CACNG1: variants seen among roughly 807,000 people sequenced by gnomAD.
The protein encoded by CACNG1 is voltage-dependent calcium channel gamma-1 subunit.
In CACNG1, 21 loss-of-function variants were observed where a neutral mutation model predicts 22.0. That is an observed-to-expected ratio of 0.95 (90% CI 0.68 to 1.37). The LOEUF is 1.37. Among genes scored for constraint, CACNG1 ranks in the 40% most tolerant of loss-of-function variants. The pLI, the probability that CACNG1 is intolerant of heterozygous loss-of-function variation, is 0.00. For synonymous variants in CACNG1, 127 were observed against 129.2 expected (o/e 0.98, Z 0.12); for missense variants, 291 against 308.6 (o/e 0.94, Z 0.43).
intron 1 of CACNG1, among the ~76,000 whole-genome samples, chr17:67,053,734 C>A (rs886626381): frequency 1.3e-5 from 2 of 152,216 alleles, no homozygotes; most frequent in African/African-American, 4.8e-5. Context: ...GGGTGCAGAA[C>A]CCACAGGCCG....
intron 1 of CACNG1, among the ~76,000 whole-genome samples, chr17:67,050,459 G>C (rs773749093): frequency 6.6e-6 from 1 of 152,226 alleles, no homozygotes; most frequent in Non-Finnish European, 1.5e-5. Context: ...TTACCAAAAG[G>C]CTAAAAACAA....
Position 67,056,379 on chromosome 17 carries a change from C to A in CACNG1, c.*108C>A. 1 of 883,598 alleles carries A rather than the reference C, an allele frequency of 1.1e-6. No homozygotes were observed. Among genetic ancestry groups the A allele is most frequent in the Non-Finnish European group, 1.8e-6 (1 of 566,660 alleles). 54.7% of individuals were successfully genotyped at this position (883,598 alleles called of 1,614,324 possible). On this transcript the variant is annotated 3_prime_UTR_variant, in exon 4 of 4. Transcript: ENST00000226021. This position sits in a 1 kb window ranked among gnomAD's most constrained non-coding sequence, Gnocchi z 4.3. ...AGCAATTTTAGCCCCACCCTGCTCC[C>A]ATCTGCCCCCCTGCAACAGTCGCAG...
chr17:67,053,134 C>T (rs1176107436), intron 1 of CACNG1, among the ~76,000 whole-genome samples: 2 of 152,150 alleles, frequency 1.3e-5, no homozygotes, highest in African/African-American at 2.4e-5. Context: ...GTGGGCCAAG[C>T]GGCTTTGTGG....
In CACNG1 at chr17:67,044,972, G is replaced by A. The variant is rs972655719; in HGVS notation, c.229+83G>A. On this transcript the variant is annotated intron_variant, in intron 1 of 3. Transcript: ENST00000226021. The surrounding 1 kb of genome is among the most constrained non-coding windows in gnomAD (Gnocchi z 6.9). ...TGGCAAAGTTGCCCTTGCGAAGGAA[G>A]GCAGGTTTCTCTGCCTAGAAATAGG... The A allele has an allele frequency of 2.6e-6, 3 of 1,150,276 alleles. No individual in the cohort carries two copies. Among genetic ancestry groups the A allele is most frequent in the African/African-American group, 3.1e-5 (2 of 65,532 alleles). The allele number at this position is 1,150,276 out of a possible 1,614,324, so 71.3% of individuals were successfully genotyped here. A position where few individuals can be genotyped will look rare whatever the true frequency, so the allele number is the denominator to read the frequency against.
At chr17:67,052,974 A>T (rs2035736709) in intron 1 of CACNG1, among the ~76,000 whole-genome samples, 1 of 152,132 alleles carries the variant, frequency 6.6e-6, no homozygotes, top group African/African-American at 2.4e-5. Context: ...TAGCTATGAG[A>T]GAGAGACTGA....
chr17:67,053,888 G>T, intron 1 of CACNG1, 108 bp from the exon 2 acceptor site: 7 of 786,228 alleles, frequency 8.9e-6, no homozygotes, highest in Non-Finnish European at 1.6e-5. Flanking sequence ...AAGAGAGGCT[G>T]CCAGAGCCCC....
intron 1 of CACNG1, 142 bp from the exon 2 acceptor site, chr17:67,053,854 A>T: frequency 1.5e-6 from 1 of 686,852 alleles, no homozygotes; most frequent in Non-Finnish European, 2.7e-6. Flanking sequence ...CAGATGTTTC[A>T]GCCCAGATTA....
At position 67,055,185 on chromosome 17, in the gene CACNG1, C is replaced by T. The variant is rs774863748; in HGVS notation, c.387C>T (p.Leu129=). 26 of 1,614,186 alleles carry T rather than the reference C, an allele frequency of 1.6e-5. No individual in the cohort carries two copies. The highest frequency in any genetic ancestry group is 9.9e-5 in the South Asian group (9 of 91,068). The part of the protein sequence containing the change: ...ILGSLCVLLS[L]GKKRDYLLRP... ...GCAGCCTCTGTGTCCTCCTGTCCCT[C>T]GGGAAGAAGAGGGACTATCTGCTGC... The change falls in exon 3 of 4, where the codon CTC becomes CTT. Residue 129 remains leucine (L), a synonymous_variant. Transcript: ENST00000226021. The surrounding 1 kb of genome is among the most constrained non-coding windows in gnomAD (Gnocchi z 4.5).
rs778101546 is a variant in CACNG1 at position 67,054,799 on chromosome 17, GAC to G, written c.305-297_305-296del. On this transcript the variant is annotated intron_variant, in intron 2 of 3. Transcript: ENST00000226021. This position sits in a 1 kb window ranked among gnomAD's most constrained non-coding sequence, Gnocchi z 4.6. ...ACAGTGACACACACAGACACACACTGACACACACGTACAATGACACAGACACA... is the reference window on the plus strand; with the variant it reads ...ACAGTGACACACACAGACACACACTGACACACGTACAATGACACAGACACA... Among the ~76,000 whole-genome samples the G allele has an allele frequency of 2.7e-5, 4 of 148,624 alleles. No individual in the cohort carries two copies. The highest frequency in any genetic ancestry group is 3.5e-3 in the Middle Eastern group (1 of 284).
chr17:67,044,872 C>T lies in CACNG1; in HGVS notation c.212C>T (p.Pro71Leu). 6.2e-7 allele frequency: 1 copy of T among 1,612,894 alleles called. No homozygotes were observed. The highest frequency in any genetic ancestry group is 1.3e-5 in the African/African-American group (1 of 75,040). The change falls in exon 1 of 4, where the codon CCC (proline) becomes CTC (leucine). Residue 71 changes from proline (P) to leucine (L), a missense_variant. Physicochemically the swap from Pro to Leu is moderately conservative, Grantham distance 98. Coordinates refer to ENST00000226021, the MANE Select transcript of CACNG1 (RefSeq NM_000727.4). The surrounding 1 kb of genome is among the most constrained non-coding windows in gnomAD (Gnocchi z 6.9). ...ATGGACGACAGCAAGACCTGCGGGC[C>T]CATCACCCTGCCCGGGGGTAACGTA... ...IPMDDSKTCG[P>L]ITLPGEKNCS...
chr17:67,050,636 G>T (rs1598139587), intron 1 of CACNG1, among the ~76,000 whole-genome samples: 1 of 152,134 alleles, frequency 6.6e-6, no homozygotes, highest in East Asian at 1.9e-4. Flanking sequence ...CACTAATCCT[G>T]CCAGCTGTTC....
At chr17:67,052,888 C>T (rs1459690380) in intron 1 of CACNG1, among the ~76,000 whole-genome samples, 1 of 152,028 alleles carries the variant, frequency 6.6e-6, no homozygotes, top group Non-Finnish European at 1.5e-5. Context: ...AATTCTCCTG[C>T]CTCAGCCTTC....
chr17:67,046,591 G>A (rs902843391), intron 1 of CACNG1, among the ~76,000 whole-genome samples: 20 of 152,334 alleles, frequency 1.3e-4, no homozygotes, highest in Admixed American at 2.6e-4. Flanking sequence ...TAGCCCGGAT[G>A]CCCATGCCCC....
chr17:67,050,784 G>A (rs868643426), intron 1 of CACNG1, among the ~76,000 whole-genome samples: 3 of 152,186 alleles, frequency 2.0e-5, no homozygotes, highest in Non-Finnish European at 4.4e-5. Context: ...CACTGGGTTA[G>A]CCAGACTATT....
At chr17:67,047,263 A>G (rs1292619035) in intron 1 of CACNG1, among the ~76,000 whole-genome samples, 2 of 152,268 alleles carry the variant, frequency 1.3e-5, no homozygotes, top group Non-Finnish European at 2.9e-5. Flanking sequence ...TCTCCATAAT[A>G]GTAATGAGAA....
chr17:67,056,331 G>A lies in CACNG1; in HGVS notation c.*60G>A. 6.6e-7 allele frequency: 1 copy of A among 1,512,628 alleles called. No homozygotes were observed. The highest frequency in any genetic ancestry group is 9.1e-7 in the Non-Finnish European group (1 of 1,094,952). The allele number at this position is 1,512,628 out of a possible 1,614,324, so 93.7% of individuals were successfully genotyped here. A position where few individuals can be genotyped will look rare whatever the true frequency, so the allele number is the denominator to read the frequency against. On this transcript the variant is annotated 3_prime_UTR_variant, in exon 4 of 4. Coordinates refer to ENST00000226021, the MANE Select transcript of CACNG1 (RefSeq NM_000727.4). The surrounding 1 kb of genome is among the most constrained non-coding windows in gnomAD (Gnocchi z 4.3). ...CCCCAGGAAGCGGGGTCTTGGCCTG[G>A]AACCTTCCAGAGAGGAGGCGGGAGC...
At position 67,044,735 on chromosome 17, in the gene CACNG1, A is replaced by G; in HGVS notation, c.75A>G (p.Thr25=). ...TGGCAGGCATCGTGCTGGCCATGACAGCCGTGGTAACCGACCACTGGGCTG... is the reference window on the plus strand; with the variant it reads ...TGGCAGGCATCGTGCTGGCCATGACGGCCGTGGTAACCGACCACTGGGCTG... The part of the protein sequence containing the change: ...CILAGIVLAM[T]AVVTDHWAVL... The change falls in exon 1 of 4, where the codon ACA becomes ACG. Residue 25 remains threonine, a synonymous_variant. Coordinates refer to ENST00000226021, the MANE Select transcript of CACNG1 (RefSeq NM_000727.4). This position sits in a 1 kb window ranked among gnomAD's most constrained non-coding sequence, Gnocchi z 6.9. 2 of 1,612,798 alleles carry G rather than the reference A, an allele frequency of 1.2e-6. No individual in the cohort carries two copies. Among genetic ancestry groups the G allele is most frequent in the South Asian group, 2.2e-5 (2 of 91,082 alleles).
rs2035757860 is a variant in CACNG1 at position 67,055,812 on chromosome 17, T to C, written c.443-233T>C. Among the ~76,000 whole-genome samples, 1 of 152,026 alleles carries C rather than the reference T, an allele frequency of 6.6e-6. No individual in the cohort carries two copies. The highest frequency in any genetic ancestry group is 1.5e-5 in the Non-Finnish European group (1 of 67,986). On this transcript the variant is annotated intron_variant, in intron 3 of 3. Coordinates refer to ENST00000226021, the MANE Select transcript of CACNG1 (RefSeq NM_000727.4). The surrounding 1 kb of genome is among the most constrained non-coding windows in gnomAD (Gnocchi z 4.5). ...GCCTCAGCCTCCCAAAGTGCTGGGA[T>C]TACAGGTGTGAGCCACCACACCTGG...
chr17:67,051,592 T>C (rs7213999), intron 1 of CACNG1, among the ~76,000 whole-genome samples: 67,835 of 152,046 alleles, frequency 0.45, 15,573 homozygotes, highest in East Asian at 0.76. Flanking sequence ...TCCTACCCAC[T>C]GGAGGCCCCC....
Sources: gnomAD v4.1 joint callset for allele counts (sites outside exome capture counted in the v4.1 genomes callset) on GRCh38, gnomAD v4.1.1 for gene constraint, Gnocchi (gnomAD v3.1) non-coding constraint, MANE v1.5 for transcripts, NCBI Gene and HGNC (gene_info 2026-07-23, HGNC 2026-07-21) for gene names.